The following WIPI1 variants were observed in gnomAD, a reference collection of about 807,000 sequenced individuals.
WIPI1 encodes WD repeat domain phosphoinositide-interacting protein 1.
Under a neutral mutation model 55.3 loss-of-function variants are expected in WIPI1, and 45 were observed. The ratio of observed to expected loss-of-function variants is 0.81; its 90% confidence interval spans 0.64 to 1.04. The LOEUF (loss-of-function observed/expected upper bound fraction) is 1.04, where lower values mean the gene tolerates loss of function less well. Among genes scored for constraint, WIPI1 ranks in the 50% least tolerant of loss-of-function variants. The pLI, the probability that WIPI1 is intolerant of heterozygous loss-of-function variation, is 0.00. For missense variants in WIPI1, 445 were observed against 559.0 expected, an observed-to-expected ratio of 0.80 and a Z score of 2.06; for synonymous variants, 195 against 217.6, an observed-to-expected ratio of 0.90 and a Z score of 0.92.
Position 68,433,491 on chromosome 17 carries a change from G to A in WIPI1, c.777C>T (p.Phe259=). 5 of 1,614,080 alleles carry A rather than the reference G, an allele frequency of 3.1e-6. No individual in the cohort carries two copies. Among genetic ancestry groups the A allele is most frequent in the Non-Finnish European group, 3.4e-6 (4 of 1,180,008 alleles). The change falls in exon 8 of 13, where the codon TTC becomes TTT. Residue 259 remains phenylalanine, a synonymous_variant. Transcript: ENST00000262139. ...ASSNTETVHI[F]KLEQVTNSRP... is the part of the protein sequence containing the mutation. ...GCCTGTTGGTGACCTGTTCCAGCTTGAAGATGTGTACCGTCTCGGTGTTAC... is the reference window on the plus strand; with the variant it reads ...GCCTGTTGGTGACCTGTTCCAGCTTAAAGATGTGTACCGTCTCGGTGTTAC...
chr17:68,421,628 A>G lies in WIPI1; in HGVS notation c.*145T>C. On this transcript the variant is annotated 3_prime_UTR_variant, in exon 13 of 13. Coordinates refer to ENST00000262139, the MANE Select transcript of WIPI1 (RefSeq NM_017983.7). ...TGGGAAGCTTGGTGAGGAGTTAACC[A>G]GGTCCTGTGGTTTAAGCAGTGGAGC... The G allele has an allele frequency of 8.8e-7, 1 of 1,139,452 alleles. No homozygotes were observed. Among genetic ancestry groups the G allele is most frequent in the Admixed American group, 1.8e-5 (1 of 54,204 alleles). The allele number at this position is 1,139,452 out of a possible 1,614,324, so 70.6% of individuals were successfully genotyped here.
At chr17:68,442,464 CAAAAAAAAAAA>C (rs1182675630) in intron 4 of WIPI1, among the ~76,000 whole-genome samples, 2 of 62,772 alleles carry the variant, frequency 3.2e-5, no homozygotes, top group East Asian at 8.3e-4. Context: ...GACTGTGTCT[CAAAAAAAAAAA>C]AAAAAAAAGG....
At position 68,441,548 on chromosome 17, in the gene WIPI1, T is replaced by C. The variant is rs868139308; in HGVS notation, c.430+2945A>G. ...AAGGCGACTCCTGGCCTCTGGGGAA[T>C]GTATAATTGGCAGGGCGGAGTCCTC... On this transcript the variant is annotated intron_variant, in intron 4 of 12. Coordinates refer to ENST00000262139, the MANE Select transcript of WIPI1 (RefSeq NM_017983.7). Among the ~76,000 whole-genome samples the C allele has an allele frequency of 4.6e-5, 7 of 152,228 alleles. No individual in the cohort carries two copies. In the Middle Eastern group the frequency reaches 0.01, roughly 222 times the overall value.
chr17:68,426,252 G>GGGGGGGGGGGT, intron 11 of WIPI1, 77 bp from the exon 12 acceptor site: 6 of 828,188 alleles, frequency 7.2e-6, no homozygotes, highest in South Asian at 1.3e-5. Context: ...TGGGGAGCGG[G>GGGGGGGGGGGT]GGCTCAAATA....
intron 4 of WIPI1, among the ~76,000 whole-genome samples, chr17:68,438,485 C>T (rs757707276): frequency 4.4e-4 from 67 of 152,162 alleles, no homozygotes; most frequent in Admixed American, 2.4e-3. Context: ...CCCAAAGAGG[C>T]GGCTGGCAGA....
In WIPI1 at chr17:68,434,660, A is replaced by G. The variant is rs114881704; in HGVS notation, c.622-34T>C. 4,705 of 1,610,236 alleles carry G rather than the reference A, an allele frequency of 2.9e-3. 114 individuals carry two copies. In the African/African-American group the frequency reaches 0.055, roughly 19 times the overall value. On this transcript the variant is annotated intron_variant, in intron 6 of 12. Transcript: ENST00000262139. ...GAAAGCAGGTGGACATTTCATAACC[A>G]TTAGTGGCTTTACACAGAGATGTCC...
intron 8 of WIPI1, among the ~76,000 whole-genome samples, chr17:68,433,163 C>T (rs1303848991): frequency 1.3e-5 from 2 of 152,242 alleles, no homozygotes; most frequent in African/African-American, 4.8e-5. Context: ...TCATTTAATA[C>T]TACTGTTATG....
intron 1 of WIPI1, 76 bp from the exon 2 acceptor site, chr17:68,453,068 T>TTG (rs2084554292): frequency 8.0e-7 from 1 of 1,250,178 alleles, no homozygotes; most frequent in Non-Finnish European, 1.2e-6. Flanking sequence ...AGATGCCTTT[T>TTG]GCCCCCTAGC....
At chr17:68,442,772 CCA>C (rs953942795) in intron 4 of WIPI1, among the ~76,000 whole-genome samples, 8 of 152,134 alleles carry the variant, frequency 5.3e-5, no homozygotes, top group Non-Finnish European at 1.2e-4. Context: ...TGTCCGCACC[CCA>C]GAGTTAAACA....
At chr17:68,435,227 A>G (rs1431489547) in intron 6 of WIPI1, among the ~76,000 whole-genome samples, 2 of 151,532 alleles carry the variant, frequency 1.3e-5, no homozygotes, top group Admixed American at 6.6e-5. Context: ...AAAAAATTCA[A>G]TTGGATCACT....
chr17:68,435,520 G>T, intron 6 of WIPI1, 100 bp downstream of exon 6: 1 of 1,159,656 alleles, frequency 8.6e-7, no homozygotes, highest in Non-Finnish European at 1.3e-6. Context: ...CCAGAGACCA[G>T]TCAGTCTTCA....
chr17:68,425,044 G>GTCT (rs2147724026), intron 12 of WIPI1, among the ~76,000 whole-genome samples: 1 of 152,284 alleles, frequency 6.6e-6, no homozygotes, highest in Admixed American at 6.5e-5. Flanking sequence ...AGGGAATCTT[G>GTCT]TCTTCAGTTC....
intron 1 of WIPI1, among the ~76,000 whole-genome samples, chr17:68,455,362 A>C (rs2084620572): frequency 6.1e-5 from 2 of 32,978 alleles, no homozygotes; most frequent in African/African-American, 2.6e-4. Flanking sequence ...AGACTGTCTC[A>C]AAAAAAAAAA....
rs1218560329 is a variant in WIPI1, at chr17:68,428,858, T to C, written c.1044A>G (p.Gly348=). The stretch of plus-strand genomic sequence containing the variant: ...GGGTTTTGATTAAGACACACTCTCC[T>C]CCATCCTGAGGATCCAAATTGTACA... ...LYMYNLDPQD[G]GECVLIKTHS... is the part of the protein sequence containing the mutation. Residue 348 remains glycine, a synonymous_variant, in exon 10 of 13, where the codon GGA becomes GGG. Coordinates refer to ENST00000262139, the MANE Select transcript of WIPI1 (RefSeq NM_017983.7). 1 of 1,613,982 alleles carries C rather than the reference T, an allele frequency of 6.2e-7. No homozygotes were observed. Among genetic ancestry groups the C allele is most frequent in the Non-Finnish European group, 8.5e-7 (1 of 1,179,970 alleles).
At position 68,430,009 on chromosome 17, in the gene WIPI1, A is replaced by AGATGTT. The variant is rs2083439961; in HGVS notation, c.946_951dup (p.Asn316_Ile317dup). On this transcript the variant is annotated inframe_insertion, in exon 9 of 13. Coordinates refer to ENST00000262139, the MANE Select transcript of WIPI1 (RefSeq NM_017983.7). ...CATTGTACGTACGTTGAGAGGGTAC[A>AGATGTT]GATGTTCCTCTGTCCGGAGAAGTTC... 6.8e-6 allele frequency: 11 copies of AGATGTT among 1,614,204 alleles called. No individual in the cohort carries two copies. The highest frequency in any genetic ancestry group is 9.3e-6 in the Non-Finnish European group (11 of 1,180,040).
chr17:68,421,704 C>T lies in WIPI1; in HGVS notation c.*69G>A, dbSNP rs2082786236. On this transcript the variant is annotated 3_prime_UTR_variant, in exon 13 of 13. Coordinates refer to ENST00000262139, the MANE Select transcript of WIPI1 (RefSeq NM_017983.7). ...GCTCACACAATTGCACTCCATTCTTCCGCCTTCCTTGTTTTCTCCAAAACC... is the reference window on the plus strand; with the variant it reads ...GCTCACACAATTGCACTCCATTCTTTCGCCTTCCTTGTTTTCTCCAAAACC... 6.2e-7 allele frequency: 1 copy of T among 1,608,876 alleles called. No individual in the cohort carries two copies. The highest frequency in any genetic ancestry group is 8.5e-7 in the Non-Finnish European group (1 of 1,175,586).
chr17:68,457,388 C>A lies in WIPI1; in HGVS notation c.34G>T (p.Gly12Trp). Residue 12 changes from glycine (G) to tryptophan (W), a missense_variant, in exon 1 of 13, where the codon GGG becomes TGG. By Grantham distance (184) the Gly-to-Trp change is radical. Coordinates refer to ENST00000262139, the MANE Select transcript of WIPI1 (RefSeq NM_017983.7). ...AAGCAGCTGAGCGCCGACTCAACCC[C>A]GCCCGGGGGAGCGTCCGCGGCCTCG... The part of the protein sequence containing the change: ...EAEAADAPPG[G>W]VESALSCFSF... 1.3e-6 allele frequency: 2 copies of A among 1,536,176 alleles called. No individual in the cohort carries two copies. Among genetic ancestry groups the A allele is most frequent in the Non-Finnish European group, 1.8e-6 (2 of 1,142,680 alleles).
chr17:68,450,114 C>A (rs1203880020), intron 3 of WIPI1, among the ~76,000 whole-genome samples: 1 of 152,124 alleles, frequency 6.6e-6, no homozygotes, highest in Admixed American at 6.5e-5. Context: ...TAAAAGAGAA[C>A]ATATTGCCTA....
chr17:68,457,347 G>A lies in WIPI1; in HGVS notation c.75C>T (p.Asp25=). 2 of 1,545,162 alleles carry A rather than the reference G, an allele frequency of 1.3e-6. No individual in the cohort carries two copies. Among genetic ancestry groups the A allele is most frequent in the Non-Finnish European group, 1.7e-6 (2 of 1,145,370 alleles). ...GGGGCCGAGTCGCAGCTTACGTGCA[G>A]TCCTGGTTGAAAGAGAAGCAGCTGA... The part of the protein sequence containing the change: ...SALSCFSFNQ[D]CTSLATGTKA... Residue 25 remains aspartate, a synonymous_variant, in exon 1 of 13, where the codon GAC becomes GAT. Transcript: ENST00000262139.
Sources: gnomAD v4.1 joint callset for allele counts (sites outside exome capture counted in the v4.1 genomes callset) on GRCh38, gnomAD v4.1.1 for gene constraint, MANE v1.5 for transcripts, NCBI Gene and HGNC (gene_info 2026-07-23, HGNC 2026-07-21) for gene names.